COL24A1: variants seen among roughly 807,000 people sequenced by gnomAD.
COL24A1 encodes the protein collagen alpha-1(XXIV) chain.
In COL24A1, 224 loss-of-function variants were observed where a neutral mutation model predicts 253.9. That is an observed-to-expected ratio of 0.88 (90% CI 0.79 to 0.99). The LOEUF is 0.99. Ranked by LOEUF, COL24A1 falls within the 50% of genes least tolerant of loss-of-function variation. COL24A1 has a pLI of 0.00. For synonymous variants in COL24A1, 685 were observed against 673.7 expected (o/e 1.02, Z -0.26); for missense variants, 2,131 against 2,068.5 (o/e 1.03, Z -0.59).
intron 24 of COL24A1, among the ~76,000 whole-genome samples, chr1:85,944,642 C>T (rs977578686): frequency 3.3e-5 from 5 of 151,664 alleles, no homozygotes; most frequent in Non-Finnish European, 5.9e-5. Context: ...TAAATGTGCA[C>T]AATGTGCAGG....
chr1:85,913,795 C>T (rs903272226), intron 24 of COL24A1, among the ~76,000 whole-genome samples: 4 of 152,192 alleles, frequency 2.6e-5, no homozygotes, highest in African/African-American at 9.7e-5. Context: ...ATTACAACAA[C>T]CCAGTTCAGG....
At chr1:85,958,189 A>C (rs1225494492) in intron 24 of COL24A1, among the ~76,000 whole-genome samples, 2 of 152,060 alleles carry the variant, frequency 1.3e-5, no homozygotes, top group Non-Finnish European at 2.9e-5. Context: ...TTTCCATAGC[A>C]AGGTAGGTGG....
chr1:86,109,834 T>C (rs1057430568), intron 5 of COL24A1, among the ~76,000 whole-genome samples: 16 of 152,184 alleles, frequency 1.1e-4, no homozygotes, highest in Admixed American at 6.5e-5. Flanking sequence ...TGAAACCTAA[T>C]CCTCAGTGTA....
chr1:85,927,600 T>C (rs1687453959), intron 24 of COL24A1, among the ~76,000 whole-genome samples: 1 of 112,024 alleles, frequency 8.9e-6, no homozygotes, highest in African/African-American at 3.4e-5. Flanking sequence ...GAGGCCTGCC[T>C]GCCTCTGTAG....
At chr1:85,830,858 T>C (rs895690890) in intron 43 of COL24A1, among the ~76,000 whole-genome samples, 2 of 152,090 alleles carry the variant, frequency 1.3e-5, no homozygotes, top group African/African-American at 4.8e-5. Context: ...GTACCTCAGA[T>C]GGAAATGCAG....
intron 32 of COL24A1, among the ~76,000 whole-genome samples, chr1:85,878,702 A>G (rs1681489265): frequency 6.6e-6 from 1 of 152,184 alleles, no homozygotes; most frequent in Non-Finnish European, 1.5e-5. Context: ...TCTCACCAGC[A>G]ATGAATGAGA....
chr1:86,015,888 T>C lies in COL24A1; in HGVS notation c.2310+1263A>G, dbSNP rs2390050. Among the ~76,000 whole-genome samples the C allele has an allele frequency of 2.5e-3, 181 of 72,960 alleles. 1 individual carries two copies. Among genetic ancestry groups the C allele is most frequent in the African/African-American group, 8.6e-3 (132 of 15,338 alleles). The allele number at this position is 72,960 out of a possible 152,430, so 47.9% of individuals were successfully genotyped here. ...TTTTGAAGACTCTACTTTTTCTTTT[T>C]TTTTTTTTTTTTTGGAGACGGGGTC... On this transcript the variant is annotated intron_variant, in intron 19 of 59. Transcript: ENST00000370571.
At chr1:86,037,714 G>T (rs1699145832) in intron 12 of COL24A1, among the ~76,000 whole-genome samples, 1 of 152,094 alleles carries the variant, frequency 6.6e-6, no homozygotes, top group African/African-American at 2.4e-5. Context: ...CATGAAAACT[G>T]CAAGATAATA....
intron 14 of COL24A1, among the ~76,000 whole-genome samples, chr1:86,025,623 T>C (rs535968946): frequency 2.0e-5 from 3 of 152,292 alleles, no homozygotes; most frequent in Admixed American, 2.0e-4. Context: ...AGGGAACACC[T>C]GAGAGATAAA....
chr1:86,033,944 G>A, intron 12 of COL24A1, 21 bp from the exon 13 acceptor site: 2 of 1,577,014 alleles, frequency 1.3e-6, no homozygotes, highest in Non-Finnish European at 1.7e-6. Flanking sequence ...GAAAGAGGAA[G>A]AATGCCAACA....
At chr1:86,040,332 C>T (rs933172688) in intron 12 of COL24A1, among the ~76,000 whole-genome samples, 5 of 151,234 alleles carry the variant, frequency 3.3e-5, no homozygotes, top group Admixed American at 2.6e-4. Flanking sequence ...ATTATTATTA[C>T]ACTTTAAGTT....
intron 43 of COL24A1, among the ~76,000 whole-genome samples, chr1:85,835,292 C>A (rs866879280): frequency 2.0e-5 from 3 of 152,038 alleles, no homozygotes; most frequent in Admixed American, 6.6e-5. Context: ...CCACCACACC[C>A]AGATAATTTT....
rs145926634 is a variant in COL24A1 at position 85,971,804 on chromosome 1, C to T, written c.2365-411G>A. ...ATTAAGAGATCTGCAGAGTCTGGAA[C>T]TCAGTATTCGTTAGCTGAAGAATGC... is the stretch of plus-strand genomic sequence containing the variant. On this transcript the variant is annotated intron_variant, in intron 20 of 59. Coordinates refer to ENST00000370571, the MANE Select transcript of COL24A1 (RefSeq NM_152890.7). Among the ~76,000 whole-genome samples the T allele has an allele frequency of 2.2e-3, 337 of 152,212 alleles. 2 individuals are homozygous for T. Among genetic ancestry groups the T allele is most frequent in the African/African-American group, 7.9e-3 (327 of 41,546 alleles).
At position 86,126,069 on chromosome 1, in the gene COL24A1, A is replaced by G; in HGVS notation, c.267T>C (p.Tyr89=). ...AAATTTTCACGAAAGGTGTCTCGATATAAGCATCATTTTTAAAAATGACTC... is the reference window on the plus strand; with the variant it reads ...AAATTTTCACGAAAGGTGTCTCGATGTAAGCATCATTTTTAAAAATGACTC... ...ESGVIFKNDA[Y]IETPFVKILP... The change falls in exon 3 of 60, where the codon TAT becomes TAC. Residue 89 remains tyrosine (Y), a synonymous_variant. Transcript: ENST00000370571. The G allele has an allele frequency of 6.2e-7, 1 of 1,613,614 alleles. No individual in the cohort carries two copies. Among genetic ancestry groups the G allele is most frequent in the Non-Finnish European group, 8.5e-7 (1 of 1,179,768 alleles).
chr1:85,795,300 A>C (rs916585004), intron 47 of COL24A1, among the ~76,000 whole-genome samples: 1 of 152,170 alleles, frequency 6.6e-6, no homozygotes, highest in Non-Finnish European at 1.5e-5. Flanking sequence ...CAAATTTTGG[A>C]ATGATGATTA....
chr1:86,064,380 C>G (rs529432923), intron 7 of COL24A1, among the ~76,000 whole-genome samples: 1 of 151,856 alleles, frequency 6.6e-6, no homozygotes, highest in African/African-American at 2.4e-5. Context: ...AAATTAACAC[C>G]CAAAGCTATA....
rs200176605 is a variant in COL24A1, at chr1:85,730,587, G to A, written c.5104C>T (p.Arg1702Ter). Reference sequence around the variant, plus strand: ...GAACTGCTGTCAATGTAATACTTTCGTTCAGTTTTGAGATGAGGAAGTTTT... The same window carrying A: ...GAACTGCTGTCAATGTAATACTTTCATTCAGTTTTGAGATGAGGAAGTTTT... Reference protein sequence around the residue: ...VQKLPHLKTERKYYIDSSSVC... With the variant: ...VQKLPHLKTE The change falls in exon 60 of 60, where the codon CGA becomes TGA. Residue 1702 changes from arginine (R) to a stop codon, truncating the protein, a stop_gained. Transcript: ENST00000370571. LOFTEE classifies it high-confidence loss of function. 66 of 1,613,744 alleles carry A rather than the reference G, an allele frequency of 4.1e-5. No homozygotes were observed. The highest frequency in any genetic ancestry group is 5.3e-5 in the Non-Finnish European group (63 of 1,179,870).
At chr1:86,069,714 C>T (rs1339541496) in intron 7 of COL24A1, among the ~76,000 whole-genome samples, 1 of 152,090 alleles carries the variant, frequency 6.6e-6, no homozygotes. Flanking sequence ...GAGAAAAGAA[C>T]AAGAATCTCT....
intron 47 of COL24A1, among the ~76,000 whole-genome samples, chr1:85,790,235 A>G (rs749146564): frequency 5.0e-4 from 76 of 152,182 alleles, no homozygotes; most frequent in Admixed American, 5.2e-4. Context: ...TTCAGAACTC[A>G]TTATTGGTCT....
Sources: allele counts gnomAD v4.1 joint callset (sites outside exome capture counted in the v4.1 genomes callset), GRCh38; gene constraint gnomAD v4.1.1; transcripts MANE v1.5; gene names NCBI Gene and HGNC (gene_info 2026-07-23, HGNC 2026-07-21).